The following IDI2 variants were observed in gnomAD, a reference collection of about 807,000 sequenced individuals.
The protein encoded by IDI2 is isopentenyl-diphosphate delta-isomerase 2.
A neutral mutation model predicts 14.8 loss-of-function variants in IDI2; 18 were observed. The observed-to-expected ratio is 1.22, with a 90% CI of 0.84 to 1.80. The LOEUF (loss-of-function observed/expected upper bound fraction) is 1.80. Among genes scored for constraint, IDI2 ranks in the 40% most tolerant of loss-of-function variants. The pLI is 0.00. For synonymous variants in IDI2, 133 were observed against 109.6 expected (o/e 1.21, Z -1.33); for missense variants, 316 against 283.2 (o/e 1.12, Z -0.83).
rs1460432535 is a variant in IDI2, at chr10:1,019,546, C to T, written c.655G>A (p.Val219Met). ...ACTCTGTGTATTTTGTGAAGCTCCACAAACGGGGTCACGTCATCCAGGTGA... is the reference window on the plus strand; with the variant it reads ...ACTCTGTGTATTTTGTGAAGCTCCATAAACGGGGTCACGTCATCCAGGTGA... Reference protein sequence around the residue: ...WPHLDDVTPFVELHKIHRV With the variant: ...WPHLDDVTPFMELHKIHRV Residue 219 changes from valine (V) to methionine (M), a missense_variant, in exon 5 of 5, where the codon GTG becomes ATG. Coordinates refer to ENST00000277517, the MANE Select transcript of IDI2 (RefSeq NM_033261.3). 1.9e-6 allele frequency: 3 copies of T among 1,613,610 alleles called. No individual in the cohort carries two copies. The highest frequency in any genetic ancestry group is 1.7e-5 in the Admixed American group (1 of 59,968).
At chr10:1,024,447 C>T (rs556846531) in intron 2 of IDI2, 135 bp downstream of exon 2, 230 of 908,988 alleles carry the variant, frequency 2.5e-4, no homozygotes, top group South Asian at 8.7e-4. Flanking sequence ...CTTCTAAAGA[C>T]GGCACAGCAA....
intron 1 of IDI2, among the ~76,000 whole-genome samples, chr10:1,025,010 C>CCACACACACACACACACACACACA (rs72086728): frequency 6.9e-6 from 1 of 145,058 alleles, no homozygotes; most frequent in Admixed American, 6.9e-5. Flanking sequence ...CCCCGCCCCA[C>CCACACACACACACACACACACACA]CACACACACA....
chr10:1,019,268 A>AG lies in IDI2; in HGVS notation c.*248_*249insC. The AG allele has an allele frequency of 4.4e-6, 2 of 452,512 alleles. No individual in the cohort carries two copies. The highest frequency in any genetic ancestry group is 4.0e-6 in the Non-Finnish European group (1 of 251,074). 28.0% of individuals were successfully genotyped at this position (452,512 alleles called of 1,614,324 possible). A position where few individuals can be genotyped will look rare whatever the true frequency, so the allele number is the denominator to read the frequency against. Reference sequence around the variant, plus strand: ...TGTTAATCAAACAAGTGCTTATAAAATGGAAATTGGGACAAAGGAAATGTT... The same window carrying AG: ...TGTTAATCAAACAAGTGCTTATAAAAGTGGAAATTGGGACAAAGGAAATGTT... On this transcript the variant is annotated 3_prime_UTR_variant, in exon 5 of 5. Coordinates refer to ENST00000277517, the MANE Select transcript of IDI2 (RefSeq NM_033261.3).
intron 2 of IDI2, among the ~76,000 whole-genome samples, chr10:1,023,475 C>T (rs79851788): frequency 3.9e-5 from 3 of 76,216 alleles, no homozygotes; most frequent in Non-Finnish European, 8.3e-5. Context: ...GACTCTGTCT[C>T]AAAAAAAAAA....
In IDI2 at chr10:1,020,759, G is replaced by C. The variant is rs769578842; in HGVS notation, c.366+8C>G. Reference sequence around the variant, plus strand: ...GTGGACACAGCTGAGACTGGATGCTGTGTGTACCTGCTCCCCAGGAATTCC... The same window carrying C: ...GTGGACACAGCTGAGACTGGATGCTCTGTGTACCTGCTCCCCAGGAATTCC... On this transcript the variant is annotated splice_region_variant and intron_variant, in intron 4 of 4. Coordinates refer to ENST00000277517, the MANE Select transcript of IDI2 (RefSeq NM_033261.3). 6.2e-7 allele frequency: 1 copy of C among 1,609,112 alleles called. No homozygotes were observed. The highest frequency in any genetic ancestry group is 8.5e-7 in the Non-Finnish European group (1 of 1,178,278).
In IDI2 at chr10:1,019,817, A is replaced by T; in HGVS notation, c.384T>A (p.Ile128=). Residue 128 remains isoleucine (I), a synonymous_variant, in exon 5 of 5, where the codon ATT becomes ATA. Transcript: ENST00000277517. ...TGTGGTGATAGATTGTCATGAACAC[A>T]ATGTCCTCTGGAGAAATCTATTGAC... ...IPGEQISPED[I]VFMTIYHHKA... 1 of 1,613,600 alleles carries T rather than the reference A, an allele frequency of 6.2e-7. No individual in the cohort carries two copies. Among genetic ancestry groups the T allele is most frequent in the East Asian group, 2.2e-5 (1 of 44,892 alleles).
chr10:1,024,303 C>T lies in IDI2; in HGVS notation c.142+279G>A, dbSNP rs368155701. Among the ~76,000 whole-genome samples the T allele has an allele frequency of 3.0e-4, 45 of 152,310 alleles. No individual in the cohort carries two copies. In the East Asian group the frequency reaches 3.9e-3, roughly 13 times the overall value. On this transcript the variant is annotated intron_variant, in intron 2 of 4. Coordinates refer to ENST00000277517, the MANE Select transcript of IDI2 (RefSeq NM_033261.3). ...AATCAGATGCCAAGGTCAGGGTTCT[C>T]GCTAAAACAACCTGGTAGAATTCTT...
At position 1,019,740 on chromosome 10, in the gene IDI2, A is replaced by T; in HGVS notation, c.461T>A (p.Leu154His). ...GTTCAGAGTGACGTTTTTCCTCACA[A>T]GCAGAAGGTAACAAATTTCATGCTC... ...WGEHEICYLLLVRKNVTLNPD... is the reference protein window; with the variant it reads ...WGEHEICYLLHVRKNVTLNPD... Residue 154 changes from leucine to histidine, a missense_variant, in exon 5 of 5, where the codon CTT becomes CAT. Physicochemically the swap from Leu to His is moderately conservative, Grantham distance 99 (BLOSUM62 -3). Coordinates refer to ENST00000277517, the MANE Select transcript of IDI2 (RefSeq NM_033261.3). 1 of 1,613,964 alleles carries T rather than the reference A, an allele frequency of 6.2e-7. No individual in the cohort carries two copies. The highest frequency in any genetic ancestry group is 1.3e-5 in the African/African-American group (1 of 74,996).
chr10:1,025,010 CCACACACACACACA>C lies in IDI2; in HGVS notation c.-21-280_-21-267del, dbSNP rs72086728. 7.9e-3 allele frequency among the ~76,000 whole-genome samples: 1,151 copies of C among 145,144 alleles called. 12 individuals are homozygous for C. The highest frequency in any genetic ancestry group is 0.036 in the East Asian group (172 of 4,808). On this transcript the variant is annotated intron_variant, in intron 1 of 4. Coordinates refer to ENST00000277517, the MANE Select transcript of IDI2 (RefSeq NM_033261.3). ...GACGAGTTAAAGAATCCCCGCCCCA[CCACACACACACACA>C]CACACACACACACACACACACACAC...
intron 2 of IDI2, 91 bp downstream of exon 2, chr10:1,024,491 G>A (rs775086852): frequency 1.7e-5 from 24 of 1,448,392 alleles, no homozygotes; most frequent in Admixed American, 4.2e-5. Flanking sequence ...CCTCCTAGCC[G>A]GAAAGGCCTA....
rs1832082147 is a variant in IDI2, at chr10:1,020,852, G to T, written c.281C>A (p.Ala94Glu). 6.2e-7 allele frequency: 1 copy of T among 1,613,960 alleles called. No homozygotes were observed. The highest frequency in any genetic ancestry group is 2.2e-5 in the East Asian group (1 of 44,884). The change falls in exon 4 of 5, where the codon GCA (alanine) becomes GAA (glutamate). Residue 94 changes from alanine (A) to glutamate (E), a missense_variant. Coordinates refer to ENST00000277517, the MANE Select transcript of IDI2 (RefSeq NM_033261.3). ...GATGGCATCCTTTTCTTCCAGTTCT[G>T]CTGGGTTGTATAATGGGTGGCTACT... ...SCSSHPLYNP[A>E]ELEEKDAIGV...
intron 3 of IDI2, among the ~76,000 whole-genome samples, chr10:1,021,998 G>A (rs997856915): frequency 3.9e-5 from 6 of 152,140 alleles, no homozygotes; most frequent in African/African-American, 4.8e-5. Context: ...GGTGGCTCAC[G>A]CCTATAATCC....
intron 4 of IDI2, among the ~76,000 whole-genome samples, chr10:1,020,351 C>T (rs752855024): frequency 2.6e-4 from 39 of 152,124 alleles, no homozygotes; most frequent in Non-Finnish European, 5.3e-4. Context: ...CCACTACGCC[C>T]AGCTAATTTT....
At chr10:1,020,972 T>C in intron 3 of IDI2, 75 bp from the exon 4 acceptor site, 1 of 1,488,672 alleles carries the variant, frequency 6.7e-7, no homozygotes, top group Non-Finnish European at 9.2e-7. Context: ...TGCAGATGCT[T>C]CATGTAAAAC....
intron 4 of IDI2, among the ~76,000 whole-genome samples, chr10:1,020,511 G>A (rs1832073130): frequency 6.6e-6 from 1 of 152,128 alleles, no homozygotes; most frequent in African/African-American, 2.4e-5. Context: ...TCGGTGTGTG[G>A]TCGACAGATT....
chr10:1,019,343 A>T lies in IDI2; in HGVS notation c.*174T>A. 1 of 559,372 alleles carries T rather than the reference A, an allele frequency of 1.8e-6. No homozygotes were observed. The highest frequency in any genetic ancestry group is 3.1e-6 in the Non-Finnish European group (1 of 318,950). 34.7% of individuals were successfully genotyped at this position (559,372 alleles called of 1,614,324 possible). A position where few individuals can be genotyped will look rare whatever the true frequency, so the allele number is the denominator to read the frequency against. On this transcript the variant is annotated 3_prime_UTR_variant, in exon 5 of 5. Transcript: ENST00000277517. ...GATGAGAAATATGGAAATAAGGAAAAGGGAAAATGAAGATATGACAAAGTT... is the reference window on the plus strand; with the variant it reads ...GATGAGAAATATGGAAATAAGGAAATGGGAAAATGAAGATATGACAAAGTT...
At chr10:1,025,003 CG>C (rs1452313847) in intron 1 of IDI2, among the ~76,000 whole-genome samples, 3 of 132,418 alleles carry the variant, frequency 2.3e-5, no homozygotes, top group African/African-American at 8.9e-5. Context: ...AAAGAATCCC[CG>C]CCCCACCACA....
At chr10:1,019,949 T>A in intron 4 of IDI2, 115 bp from the exon 5 acceptor site, 2 of 840,570 alleles carry the variant, frequency 2.4e-6, no homozygotes, top group South Asian at 1.8e-5. Flanking sequence ...CTTTCTTTGG[T>A]AATTGATAAT....
intron 4 of IDI2, 75 bp from the exon 5 acceptor site, chr10:1,019,909 AAC>A (rs1832061792): frequency 1.8e-6 from 2 of 1,106,166 alleles, no homozygotes; most frequent in Non-Finnish European, 2.7e-6. Context: ...AGAGAAAATA[AAC>A]ACATTTGTTT....
Sources: gnomAD v4.1 joint callset for allele counts (sites outside exome capture counted in the v4.1 genomes callset) on GRCh38, gnomAD v4.1.1 for gene constraint, MANE v1.5 for transcripts, NCBI Gene and HGNC (gene_info 2026-07-23, HGNC 2026-07-21) for gene names.